SUPT16H: variants seen among roughly 807,000 people sequenced by gnomAD.
SUPT16H encodes the protein FACT complex subunit SPT16.
A neutral mutation model predicts 136.2 loss-of-function variants in SUPT16H; 24 were observed. The observed-to-expected ratio is 0.18, with a 90% confidence interval of 0.13 to 0.25. The LOEUF (loss-of-function observed/expected upper bound fraction) is 0.25. Among genes scored for constraint, SUPT16H ranks in the 10% least tolerant of loss-of-function variants. The pLI, the probability that SUPT16H is intolerant of heterozygous loss-of-function variation, is 1.00. For synonymous variants in SUPT16H, 415 were observed against 428.2 expected (o/e 0.97, Z 0.38); for missense variants, 623 against 1,270.2 (o/e 0.49, Z 7.74).
intron 5 of SUPT16H, 53 bp from the exon 6 acceptor site, chr14:21,369,408 G>A: frequency 6.2e-7 from 1 of 1,606,742 alleles, no homozygotes. Context: ...AGCAAAGCGG[G>A]GTGTGTGGAC....
intron 17 of SUPT16H, 51 bp from the exon 18 acceptor site, chr14:21,360,584 A>C: frequency 6.8e-7 from 1 of 1,473,114 alleles, no homozygotes; most frequent in Non-Finnish European, 9.4e-7. Context: ...GTTAGGCCAA[A>C]AGGCACTGCA....
chr14:21,381,830 A>G (rs1022271623), intron 1 of SUPT16H, among the ~76,000 whole-genome samples: 1 of 143,922 alleles, frequency 6.9e-6, no homozygotes, highest in South Asian at 2.2e-4. Flanking sequence ...CATCTTGCCC[A>G]GGCTGGTCTT....
At chr14:21,374,783 T>C (rs1319427149) in intron 1 of SUPT16H, among the ~76,000 whole-genome samples, 4 of 152,190 alleles carry the variant, frequency 2.6e-5, no homozygotes, top group Non-Finnish European at 5.9e-5. Context: ...GCCATGAACA[T>C]TTGAATATGT....
At chr14:21,376,105 A>T (rs190080862) in intron 1 of SUPT16H, among the ~76,000 whole-genome samples, 2 of 152,316 alleles carry the variant, frequency 1.3e-5, no homozygotes, top group African/African-American at 4.8e-5. Flanking sequence ...TTACAACACC[A>T]TTTGTTGAAA....
intron 3 of SUPT16H, 76 bp from the exon 4 acceptor site, chr14:21,370,564 A>G (rs1410341198): frequency 1.4e-6 from 2 of 1,476,626 alleles, no homozygotes; most frequent in African/African-American, 1.4e-5. Context: ...TAACAGGTAG[A>G]ATAATATTCT....
chr14:21,355,879 G>C (rs563996151), intron 22 of SUPT16H, among the ~76,000 whole-genome samples: 1 of 152,308 alleles, frequency 6.6e-6, no homozygotes, highest in Admixed American at 6.5e-5. Flanking sequence ...AGCCATGATG[G>C]AGTAACAATG....
chr14:21,352,276 G>T lies in SUPT16H; in HGVS notation c.*397C>A, dbSNP rs570939210. 5.4e-4 allele frequency: 113 copies of T among 210,960 alleles called. No individual in the cohort carries two copies. The highest frequency in any genetic ancestry group is 2.3e-3 in the African/African-American group (101 of 44,438). The allele number at this position is 210,960 out of a possible 1,614,324, so 13.1% of individuals were successfully genotyped here. A position where few individuals can be genotyped will look rare whatever the true frequency, so the allele number is the denominator to read the frequency against. On this transcript the variant is annotated 3_prime_UTR_variant, in exon 26 of 26. Transcript: ENST00000216297. ...GGTAGGTTGGAGGATTGAATGTGCT[G>T]GTCAAGAACCATGATACGGGTAATT...
chr14:21,352,854 A>C (rs773351255), intron 25 of SUPT16H, 36 bp from the exon 26 acceptor site: 3 of 1,613,942 alleles, frequency 1.9e-6, no homozygotes, highest in Admixed American at 3.3e-5. Context: ...AGCAATAGGT[A>C]AGCTTTAGGT....
In SUPT16H at chr14:21,364,815, C is replaced by T; in HGVS notation, c.1233+12G>A. The stretch of plus-strand genomic sequence containing the variant: ...GTTCATGAAGACTCCAAAGTTTAGA[C>T]ACAATACACACCTCATCCACAAGCA... On this transcript the variant is annotated intron_variant, in intron 10 of 25. Transcript: ENST00000216297. 9.3e-6 allele frequency: 15 copies of T among 1,610,344 alleles called. No individual in the cohort carries two copies. Among genetic ancestry groups the T allele is most frequent in the Admixed American group, 1.7e-5 (1 of 59,990 alleles).
rs1247102873 is a variant in SUPT16H at position 21,362,896 on chromosome 14, T to C, written c.1563A>G (p.Glu521=). ...SYKNPSLMPK[E]PHIREMKIYI... Reference sequence around the variant, plus strand: ...AGATCTTCATTTCCCGAATATGTGGTTCCTTAGGCATCAGAGATGGGTTTT... The same window carrying C: ...AGATCTTCATTTCCCGAATATGTGGCTCCTTAGGCATCAGAGATGGGTTTT... The change falls in exon 14 of 26, where the codon GAA becomes GAG. Residue 521 remains glutamate, a synonymous_variant. Transcript: ENST00000216297. The C allele has an allele frequency of 1.9e-6, 3 of 1,613,886 alleles. No homozygotes were observed. Among genetic ancestry groups the C allele is most frequent in the South Asian group, 2.2e-5 (2 of 91,042 alleles).
intron 19 of SUPT16H, among the ~76,000 whole-genome samples, chr14:21,358,727 C>T (rs1009072959): frequency 3.3e-5 from 5 of 152,208 alleles, no homozygotes; most frequent in Non-Finnish European, 7.3e-5. Context: ...GAGTCTGCAA[C>T]CTAAGCCTAA....
chr14:21,353,110 T>G (rs976276991), intron 25 of SUPT16H, among the ~76,000 whole-genome samples: 2 of 152,214 alleles, frequency 1.3e-5, no homozygotes, highest in African/African-American at 2.4e-5. Context: ...GTAACTAGAT[T>G]AGCATTATAA....
chr14:21,376,911 T>G (rs1886913587), intron 1 of SUPT16H, among the ~76,000 whole-genome samples: 1 of 151,940 alleles, frequency 6.6e-6, no homozygotes. Flanking sequence ...AACTAGCCAT[T>G]TGAAGACCTG....
Position 21,359,382 on chromosome 14 carries a change from C to A in SUPT16H, c.2301+102G>T. ...AAGTGCTGGGATTACAGGCGCGAGT[C>A]ACCACGCCAGCCCAGTTTGTTTATA... On this transcript the variant is annotated intron_variant, in intron 19 of 25. Transcript: ENST00000216297. The A allele has an allele frequency of 2.0e-6, 3 of 1,507,926 alleles. No individual in the cohort carries two copies. The South Asian group carries it at 3.9e-5, about 20-fold the overall frequency. The allele number at this position is 1,507,926 out of a possible 1,614,324, so 93.4% of individuals were successfully genotyped here.
chr14:21,353,708 TCTTCTG>T lies in SUPT16H; in HGVS notation c.2909_2914del (p.Ala970_Glu971del), dbSNP rs1566379627. ...CTTTGCTCTGTAAGACTAACCTGAC[TCTTCTG>T]CTTCTGATGAATAATCTTCATCACT... On this transcript the variant is annotated inframe_deletion, in exon 24 of 26. Coordinates refer to ENST00000216297, the MANE Select transcript of SUPT16H (RefSeq NM_007192.4). 6.2e-7 allele frequency: 1 copy of T among 1,613,224 alleles called. No homozygotes were observed. The highest frequency in any genetic ancestry group is 8.5e-7 in the Non-Finnish European group (1 of 1,179,608).
chr14:21,380,296 A>ATTTTTTTT lies in SUPT16H; in HGVS notation c.66+3558_66+3565dup, dbSNP rs60588939. Among the ~76,000 whole-genome samples, 121 of 112,022 alleles carry ATTTTTTTT rather than the reference A, an allele frequency of 1.1e-3. 9 individuals are homozygous for ATTTTTTTT. The highest frequency in any genetic ancestry group is 6.0e-3 in the Middle Eastern group (1 of 168). 73.5% of individuals were successfully genotyped at this position (112,022 alleles called of 152,430 possible). A position where few individuals can be genotyped will look rare whatever the true frequency, so the allele number is the denominator to read the frequency against. On this transcript the variant is annotated intron_variant, in intron 1 of 25. Transcript: ENST00000216297. Reference sequence around the variant, plus strand: ...CTGACAGATACTGATGGAAGACTGAATTTTTTTTTTTTTTTTAAAGAAATG... The same window carrying ATTTTTTTT: ...CTGACAGATACTGATGGAAGACTGAATTTTTTTTTTTTTTTTTTTTTTTTAAAGAAATG...
In SUPT16H at chr14:21,368,309, C is replaced by G; in HGVS notation, c.915G>C (p.Leu305Phe). 1 of 1,613,836 alleles carries G rather than the reference C, an allele frequency of 6.2e-7. No individual in the cohort carries two copies. ...TCAGCAGCTCCTCTTGAAGCTGGAG[C>G]AAAAAGTTATAATTTTCTTGAACTT... ...SQEVQENYNF[L>F]LQLQEELLKE... Residue 305 changes from leucine (L) to phenylalanine (F), a missense_variant, in exon 7 of 26, where the codon TTG becomes TTC. By Grantham distance (22) the Leu-to-Phe change is conservative. Coordinates refer to ENST00000216297, the MANE Select transcript of SUPT16H (RefSeq NM_007192.4).
intron 14 of SUPT16H, among the ~76,000 whole-genome samples, chr14:21,362,561 C>T (rs1176412748): frequency 2.6e-5 from 4 of 151,940 alleles, no homozygotes; most frequent in African/African-American, 4.8e-5. Context: ...AATGATTAAA[C>T]GAAGTTGAAA....
chr14:21,380,697 T>C (rs1247231905), intron 1 of SUPT16H, among the ~76,000 whole-genome samples: 4 of 152,128 alleles, frequency 2.6e-5, no homozygotes, highest in Non-Finnish European at 4.4e-5. Context: ...TGACATTTTA[T>C]GGAATTCTTC....
Sources: allele counts gnomAD v4.1 joint callset (sites outside exome capture counted in the v4.1 genomes callset), GRCh38; gene constraint gnomAD v4.1.1; transcripts MANE v1.5; gene names NCBI Gene and HGNC (gene_info 2026-07-23, HGNC 2026-07-21).